The following COPA variants were observed in gnomAD, a reference collection of about 807,000 sequenced individuals.
The protein encoded by COPA is coat protein complex I subunit alpha, also known as coatomer subunit alpha.
Under a neutral mutation model 158.7 loss-of-function variants are expected in COPA, and 10 were observed. That is an observed-to-expected ratio of 0.06 (90% CI 0.04 to 0.11). COPA has a LOEUF of 0.11. Among genes scored for constraint, COPA ranks in the 10% least tolerant of loss-of-function variants. The probability of loss-of-function intolerance (pLI) is 1.00; values close to 1 mark genes in which losing one functional copy is unlikely to be tolerated. For missense variants in COPA, 1,065 were observed against 1,536.7 expected, an observed-to-expected ratio of 0.69 and a Z score of 5.13; for synonymous variants, 462 against 542.8, an observed-to-expected ratio of 0.85 and a Z score of 2.07.
At chr1:160,334,847 T>C (rs897723435) in intron 4 of COPA, among the ~76,000 whole-genome samples, 1 of 152,184 alleles carries the variant, frequency 6.6e-6, no homozygotes, top group African/African-American at 2.4e-5. Context: ...TGATTGTTAA[T>C]ACTTCGAAAC....
rs541883856 is a variant in COPA at position 160,339,899 on chromosome 1, C to A, written c.228+10G>T. ...TTCCTTTATTCTCAGTTATGACAGA[C>A]CCTCTGTACCTTAATCTTATAGTCA... On this transcript the variant is annotated intron_variant, in intron 3 of 32. Transcript: ENST00000241704. 4.0e-5 allele frequency: 65 copies of A among 1,611,832 alleles called. No homozygotes were observed. The South Asian group carries it at 5.5e-4, about 14-fold the overall frequency.
In COPA at chr1:160,323,503, C is replaced by T; in HGVS notation, c.634G>A (p.Ala212Thr). The change falls in exon 8 of 33, where the codon GCC becomes ACC. Residue 212 changes from alanine to threonine, a missense_variant. Physicochemically the swap from Ala to Thr is moderately conservative, Grantham distance 58. Around this residue, in one of 2 missense-constraint regions of COPA, gnomAD observed 980 missense variants for 1,357.8 expected, o/e 0.72. Coordinates refer to ENST00000241704, the MANE Select transcript of COPA (RefSeq NM_004371.4). ...ATAAGGGGCATAGTGGGGTGGAAGGCAGCCCAGTTTACTCCACGATCGTGA... is the reference window on the plus strand; with the variant it reads ...ATAAGGGGCATAGTGGGGTGGAAGGTAGCCCAGTTTACTCCACGATCGTGA... ...EGHDRGVNWA[A>T]FHPTMPLIVS... The T allele has an allele frequency of 6.2e-7, 1 of 1,610,932 alleles. No homozygotes were observed.
chr1:160,339,627 A>T lies in COPA; in HGVS notation c.228+282T>A, dbSNP rs560730094. The T allele has an allele frequency of 1.5e-5, 5 of 333,140 alleles. No individual in the cohort carries two copies. In the East Asian group the frequency reaches 3.1e-4, roughly 21 times the overall value. 20.6% of individuals were successfully genotyped at this position (333,140 alleles called of 1,614,324 possible). A position where few individuals can be genotyped will look rare whatever the true frequency, so the allele number is the denominator to read the frequency against. ...TCTATTATATTGCTTACCAAACTGT[A>T]CATGCTATTACTTGGATATATGTTT... On this transcript the variant is annotated intron_variant, in intron 3 of 32. Transcript: ENST00000241704.
intron 14 of COPA, 39 bp downstream of exon 14, chr1:160,307,124 C>CA: frequency 6.3e-7 from 1 of 1,599,122 alleles, no homozygotes; most frequent in Non-Finnish European, 8.6e-7. Flanking sequence ...ACTGCCACCA[C>CA]ACTCCCCAAA....
intron 6 of COPA, among the ~76,000 whole-genome samples, chr1:160,330,781 A>AG (rs1291861477): frequency 6.6e-6 from 1 of 152,064 alleles, no homozygotes; most frequent in Non-Finnish European, 1.5e-5. Flanking sequence ...AAGATCTATG[A>AG]GGGGGGCCTT....
intron 6 of COPA, among the ~76,000 whole-genome samples, chr1:160,328,434 AT>A (rs1647356784): frequency 6.6e-6 from 1 of 152,224 alleles, no homozygotes; most frequent in Non-Finnish European, 1.5e-5. Context: ...GAGAAGAAAT[AT>A]TTGAGCCTTC....
intron 17 of COPA, among the ~76,000 whole-genome samples, chr1:160,302,633 C>T (rs1170835714): frequency 6.8e-6 from 1 of 146,172 alleles, no homozygotes. Context: ...CAGCTCACTG[C>T]AACCTCCGCC....
chr1:160,334,330 A>G (rs1647665114), intron 4 of COPA, among the ~76,000 whole-genome samples: 1 of 152,192 alleles, frequency 6.6e-6, no homozygotes, highest in Non-Finnish European at 1.5e-5. Context: ...TATAAGGCAC[A>G]CACATATTTA....
At chr1:160,339,631 G>T in intron 3 of COPA, 1 of 342,058 alleles carries the variant, frequency 2.9e-6, no homozygotes, top group Non-Finnish European at 5.5e-6. Context: ...AACTGTACAT[G>T]CTATTACTTG....
chr1:160,324,155 C>G (rs1411319953), intron 7 of COPA, among the ~76,000 whole-genome samples: 2 of 152,134 alleles, frequency 1.3e-5, no homozygotes, highest in African/African-American at 4.8e-5. Flanking sequence ...GCCACTGCGC[C>G]CGCCCGAAAA....
chr1:160,319,677 A>G (rs796605463), intron 8 of COPA, among the ~76,000 whole-genome samples: 3 of 152,128 alleles, frequency 2.0e-5, no homozygotes, highest in African/African-American at 7.2e-5. Context: ...AATTATATTA[A>G]GTATCTTTTC....
chr1:160,293,123 C>T (rs750016153), intron 27 of COPA, 43 bp downstream of exon 27: 1 of 1,599,186 alleles, frequency 6.3e-7, no homozygotes, highest in East Asian at 2.2e-5. Context: ...TCCCGGGGAC[C>T]CTGGGCTAGG....
intron 6 of COPA, among the ~76,000 whole-genome samples, chr1:160,327,134 T>C (rs745730061): frequency 3.3e-5 from 5 of 152,212 alleles, no homozygotes; most frequent in Non-Finnish European, 7.3e-5. Flanking sequence ...TAAAATCCTA[T>C]ATTTTGAAGT....
At chr1:160,307,625 C>T (rs897188255) in intron 13 of COPA, among the ~76,000 whole-genome samples, 2 of 84,772 alleles carry the variant, frequency 2.4e-5, no homozygotes, top group African/African-American at 9.8e-5. Flanking sequence ...CAGGATGCAG[C>T]TGCTCTCTGC....
chr1:160,302,000 G>A (rs1478951114), intron 17 of COPA, among the ~76,000 whole-genome samples: 2 of 152,076 alleles, frequency 1.3e-5, no homozygotes, highest in African/African-American at 4.8e-5. Context: ...AAGAATGTTT[G>A]CTGTCATCAT....
chr1:160,312,123 C>T (rs1289558864), intron 10 of COPA, 105 bp from the exon 11 acceptor site: 3 of 1,079,508 alleles, frequency 2.8e-6, no homozygotes, highest in East Asian at 2.5e-5. Context: ...AGACAAGACA[C>T]CTGAATGCAT....
chr1:160,305,611 G>GT, intron 16 of COPA, 40 bp from the exon 17 acceptor site: 1 of 1,611,024 alleles, frequency 6.2e-7, no homozygotes, highest in Non-Finnish European at 8.5e-7. Context: ...GTTGGATAGG[G>GT]TAAGTGCCGT....
At chr1:160,292,411 T>C in intron 28 of COPA, 73 bp downstream of exon 28, 1 of 1,603,862 alleles carries the variant, frequency 6.2e-7, no homozygotes, top group Non-Finnish European at 8.5e-7. Context: ...ATTCTGACTA[T>C]GTCACTGAGG....
rs1356095438 is a variant in COPA at position 160,292,012 on chromosome 1, C to T, written c.3147G>A (p.Glu1049=). The change falls in exon 29 of 33, where the codon GAG becomes GAA. Residue 1049 remains glutamate (E), a splice_region_variant and synonymous_variant. Coordinates refer to ENST00000241704, the MANE Select transcript of COPA (RefSeq NM_004371.4). Reference sequence around the variant, plus strand: ...TGGGACAGCGGCTAGACCCTCCTACCTCTGCAATCTCTTGTTTATTGTCCA... The same window carrying T: ...TGGGACAGCGGCTAGACCCTCCTACTTCTGCAATCTCTTGTTTATTGTCCA... ...LVVDNKQEIA[E]AQQLITICRE... is the part of the protein sequence containing the mutation. The T allele has an allele frequency of 6.2e-7, 1 of 1,614,166 alleles. No individual in the cohort carries two copies. Among genetic ancestry groups the T allele is most frequent in the Admixed American group, 1.7e-5 (1 of 60,028 alleles).
Sources: gnomAD v4.1 joint callset for allele counts (sites outside exome capture counted in the v4.1 genomes callset) on GRCh38, gnomAD v4.1.1 for gene constraint, gnomAD v4.1.1 regional missense constraint, MANE v1.5 for transcripts, NCBI Gene and HGNC (gene_info 2026-07-23, HGNC 2026-07-21) for gene names.